The following MNX1 variants were observed in gnomAD, a reference collection of about 807,000 sequenced individuals.
MNX1 encodes the protein motor neuron and pancreas homeobox protein 1.
MNX1 carries 2 observed loss-of-function variants against 17.3 expected under a neutral mutation model. The observed-to-expected ratio is 0.12, with a 90% CI of 0.05 to 0.36. MNX1 has a LOEUF of 0.36. Among genes scored for constraint, MNX1 ranks in the 10% least tolerant of loss-of-function variants. The pLI, the probability that MNX1 is intolerant of heterozygous loss-of-function variation, is 1.00. For synonymous variants in MNX1, 306 were observed against 283.1 expected (o/e 1.08, Z -0.81); for missense variants, 556 against 564.7 (o/e 0.98, Z 0.16).
rs994950633 is a variant in MNX1 at position 157,010,632 on chromosome 7, G to A, written c.-282C>T. The A allele has an allele frequency of 1.2e-4, 29 of 244,828 alleles. No individual in the cohort carries two copies. Among genetic ancestry groups the A allele is most frequent in the Non-Finnish European group, 2.0e-4 (25 of 126,110 alleles). The allele number at this position is 244,828 out of a possible 1,614,324, so 15.2% of individuals were successfully genotyped here. On this transcript the variant is annotated 5_prime_UTR_variant, in exon 1 of 3. Transcript: ENST00000252971. ...CCGGTTCTTTGCGCTGCAGCCCTCA[G>A]GCGACCGCGCGGAGGCCGCTGCCGC...
rs557571752 is a variant in MNX1 at position 157,008,804 on chromosome 7, G to A, written c.691+856C>T. 3.9e-4 allele frequency: 237 copies of A among 609,674 alleles called. No homozygotes were observed. In the African/African-American group the frequency reaches 4.1e-3, roughly 11 times the overall value. The allele number at this position is 609,674 out of a possible 1,614,324, so 37.8% of individuals were successfully genotyped here. ...CTGACCCCGATGGGGCGAGCGGGGA[G>A]AGCCAGAGCCCCAGAGAGCCAGAGC... On this transcript the variant is annotated intron_variant, in intron 1 of 2. Coordinates refer to ENST00000252971, the MANE Select transcript of MNX1 (RefSeq NM_005515.4).
chr7:157,009,557 C>G, intron 1 of MNX1, 103 bp downstream of exon 1: 1 of 1,519,244 alleles, frequency 6.6e-7, no homozygotes, highest in Non-Finnish European at 8.9e-7. Context: ...CAGCTCTTCC[C>G]CCGCTCGCTG....
Position 157,006,405 on chromosome 7 carries a change from C to G in MNX1, c.852+74G>C. On this transcript the variant is annotated intron_variant, in intron 2 of 2. Coordinates refer to ENST00000252971, the MANE Select transcript of MNX1 (RefSeq NM_005515.4). This position sits in a 1 kb window ranked among gnomAD's most constrained non-coding sequence, Gnocchi z 6.3. ...GCAGCGCTAGATGCCTCAGACCGCC[C>G]GTGGGTCACAAGTGCAAAGGTAACA... The G allele has an allele frequency of 1.3e-6, 2 of 1,516,300 alleles. No homozygotes were observed. The highest frequency in any genetic ancestry group is 1.8e-6 in the Non-Finnish European group (2 of 1,122,196). The allele number at this position is 1,516,300 out of a possible 1,614,324, so 93.9% of individuals were successfully genotyped here.
rs551698307 is a variant in MNX1 at position 157,010,644 on chromosome 7, G to A, written c.-294C>T. 3 of 229,068 alleles carry A rather than the reference G, an allele frequency of 1.3e-5. No homozygotes were observed. The highest frequency in any genetic ancestry group is 1.8e-4 in the South Asian group (1 of 5,614). The allele number at this position is 229,068 out of a possible 1,614,324, so 14.2% of individuals were successfully genotyped here. A position where few individuals can be genotyped will look rare whatever the true frequency, so the allele number is the denominator to read the frequency against. ...GCTGCAGCCCTCAGGCGACCGCGCG[G>A]AGGCCGCTGCCGCCGTGGTGGGGAC... On this transcript the variant is annotated 5_prime_UTR_variant, in exon 1 of 3. Transcript: ENST00000252971.
At chr7:157,007,394 G>A (rs1049181216) in intron 1 of MNX1, 3 of 152,744 alleles carry the variant, frequency 2.0e-5, no homozygotes, top group African/African-American at 4.8e-5. Context: ...GGAAGGGAGA[G>A]AGGACAGGTG....
At chr7:157,009,422 T>C in intron 1 of MNX1, 1 of 1,426,612 alleles carries the variant, frequency 7.0e-7, no homozygotes, top group Non-Finnish European at 9.1e-7. Context: ...CAACTGCCCC[T>C]TCCCGTTAAG....
chr7:157,009,536 A>G, intron 1 of MNX1, 124 bp downstream of exon 1: 1 of 1,488,072 alleles, frequency 6.7e-7, no homozygotes, highest in African/African-American at 1.4e-5. Context: ...GGCAGAGCCG[A>G]GGCGGCTTCG....
rs2134838632 is a variant in MNX1, at chr7:157,005,783, C to T, written c.943G>A (p.Gly315Ser). Residue 315 changes from glycine (G) to serine (S), a missense_variant, in exon 3 of 3, where the codon GGC (glycine) becomes AGC (serine). This residue lies in a region of MNX1 where 178 missense variants were observed against 155.2 expected (regional missense o/e 1.15). Transcript: ENST00000252971. ...CCCTTCCCCGCGCCCCCGCCGCCGCCCTTCTGTTTCTCCGCTTCCTGCGCC... is the reference window on the plus strand; with the variant it reads ...CCCTTCCCCGCGCCCCCGCCGCCGCTCTTCTGTTTCTCCGCTTCCTGCGCC... The part of the protein sequence containing the change: ...QAAQEAEKQK[G>S]GGGGAGKGGA... 1 of 1,611,350 alleles carries T rather than the reference C, an allele frequency of 6.2e-7. No individual in the cohort carries two copies. Among genetic ancestry groups the T allele is most frequent in the Non-Finnish European group, 8.5e-7 (1 of 1,179,760 alleles).
chr7:157,005,395 TC>T lies in MNX1; in HGVS notation c.*124del, dbSNP rs1270345019. 3 of 579,550 alleles carry T rather than the reference TC, an allele frequency of 5.2e-6. No homozygotes were observed. Among genetic ancestry groups the T allele is most frequent in the African/African-American group, 3.9e-5 (2 of 50,810 alleles). The allele number at this position is 579,550 out of a possible 1,614,324, so 35.9% of individuals were successfully genotyped here. A position where few individuals can be genotyped will look rare whatever the true frequency, so the allele number is the denominator to read the frequency against. On this transcript the variant is annotated 3_prime_UTR_variant, in exon 3 of 3. Transcript: ENST00000252971. ...CTCCAGCCCCGGCCTGGGCGAGGGG[TC>T]CATGGGGCGGCGGTCGAGCCTGCTC... is the stretch of plus-strand genomic sequence containing the variant.
At chr7:157,007,430 G>A (rs934214466) in intron 1 of MNX1, 10 of 152,554 alleles carry the variant, frequency 6.6e-5, no homozygotes, top group African/African-American at 2.2e-4. Flanking sequence ...CAGGGTCCAA[G>A]TCTGTGTATT....
chr7:157,010,505 A>G lies in MNX1; in HGVS notation c.-155T>C, dbSNP rs1241769604. ...AAAGTCGCCGCCGGAAACTCAGCCG[A>G]GGGTGACCATGGTCCCGGCGCCTCC... On this transcript the variant is annotated 5_prime_UTR_variant, in exon 1 of 3. Coordinates refer to ENST00000252971, the MANE Select transcript of MNX1 (RefSeq NM_005515.4). 2.7e-5 allele frequency: 13 copies of G among 489,888 alleles called. No individual in the cohort carries two copies. Among genetic ancestry groups the G allele is most frequent in the South Asian group, 4.0e-5 (1 of 24,742 alleles). 30.3% of individuals were successfully genotyped at this position (489,888 alleles called of 1,614,324 possible). A position where few individuals can be genotyped will look rare whatever the true frequency, so the allele number is the denominator to read the frequency against.
rs548755417 is a variant in MNX1 at position 157,009,949 on chromosome 7, AGCGGCGGCGGCGGCG to A, written c.387_401del (p.Ala130_Ala134del). ...GGTGCAGCCCCAGCGCCAGGCCCCC[AGCGGCGGCGGCGGCG>A]GCGGCGGCGGCGGCAGCGGCCGCTG... On this transcript the variant is annotated inframe_deletion, in exon 1 of 3. Coordinates refer to ENST00000252971, the MANE Select transcript of MNX1 (RefSeq NM_005515.4). 6 of 908,254 alleles carry A rather than the reference AGCGGCGGCGGCGGCG, an allele frequency of 6.6e-6. No individual in the cohort carries two copies. Among genetic ancestry groups the A allele is most frequent in the South Asian group, 5.0e-5 (1 of 19,996 alleles). The allele number at this position is 908,254 out of a possible 1,614,324, so 56.3% of individuals were successfully genotyped here.
At position 157,010,377 on chromosome 7, in the gene MNX1, G is replaced by T; in HGVS notation, c.-27C>A. 6.4e-7 allele frequency: 1 copy of T among 1,554,612 alleles called. No individual in the cohort carries two copies. The highest frequency in any genetic ancestry group is 8.7e-7 in the Non-Finnish European group (1 of 1,147,952). Reference sequence around the variant, plus strand: ...GGCTCGTTTGGGGCTGGCGCTCAGGGCCCGGTGGCGGGCGACGCGGCCGTG... The same window carrying T: ...GGCTCGTTTGGGGCTGGCGCTCAGGTCCCGGTGGCGGGCGACGCGGCCGTG... On this transcript the variant is annotated 5_prime_UTR_variant, in exon 1 of 3. Coordinates refer to ENST00000252971, the MANE Select transcript of MNX1 (RefSeq NM_005515.4).
chr7:157,007,906 C>T (rs1376649776), intron 1 of MNX1: 1 of 152,228 alleles, frequency 6.6e-6, no homozygotes, highest in Non-Finnish European at 1.5e-5. Context: ...CCGGAGGGAC[C>T]ATTTGGGAAA....
chr7:157,010,380 C>T lies in MNX1; in HGVS notation c.-30G>A, dbSNP rs1805693367. ...TCGTTTGGGGCTGGCGCTCAGGGCCCGGTGGCGGGCGACGCGGCCGTGTGC... is the reference window on the plus strand; with the variant it reads ...TCGTTTGGGGCTGGCGCTCAGGGCCTGGTGGCGGGCGACGCGGCCGTGTGC... On this transcript the variant is annotated 5_prime_UTR_variant, in exon 1 of 3. Transcript: ENST00000252971. The T allele has an allele frequency of 3.2e-6, 5 of 1,547,904 alleles. No individual in the cohort carries two copies. Among genetic ancestry groups the T allele is most frequent in the Admixed American group, 3.6e-5 (2 of 54,852 alleles).
Position 157,010,396 on chromosome 7 carries a change from G to T in MNX1, c.-46C>A. ...CTCAGGGCCCGGTGGCGGGCGACGC[G>T]GCCGTGTGCGGGCTCGCGGAGTCAG... On this transcript the variant is annotated 5_prime_UTR_variant, in exon 1 of 3. Coordinates refer to ENST00000252971, the MANE Select transcript of MNX1 (RefSeq NM_005515.4). 1 of 1,503,772 alleles carries T rather than the reference G, an allele frequency of 6.6e-7. No homozygotes were observed. The highest frequency in any genetic ancestry group is 1.2e-5 in the South Asian group (1 of 83,024). The allele number at this position is 1,503,772 out of a possible 1,614,324, so 93.2% of individuals were successfully genotyped here.
At position 157,008,838 on chromosome 7, in the gene MNX1, C is replaced by G. The variant is rs577341910; in HGVS notation, c.691+822G>C. On this transcript the variant is annotated intron_variant, in intron 1 of 2. Coordinates refer to ENST00000252971, the MANE Select transcript of MNX1 (RefSeq NM_005515.4). ...CCCCAGAGAGCCAGAGCCCCGGAGCCCCAGCCCGGAGAGTCCGCGTGTGCC... is the reference window on the plus strand; with the variant it reads ...CCCCAGAGAGCCAGAGCCCCGGAGCGCCAGCCCGGAGAGTCCGCGTGTGCC... 26 of 705,816 alleles carry G rather than the reference C, an allele frequency of 3.7e-5. 1 individual carries two copies. In the Admixed American group the frequency reaches 7.1e-4, roughly 19 times the overall value. 43.7% of individuals were successfully genotyped at this position (705,816 alleles called of 1,614,324 possible).
In MNX1 at chr7:157,009,830, G is replaced by A. The variant is rs1268262063; in HGVS notation, c.521C>T (p.Ala174Val). Reference protein sequence around the residue: ...YGYSAAAAAAALAGQHPALSY... With the variant: ...YGYSAAAAAAVLAGQHPALSY... Reference sequence around the variant, plus strand: ...GAGCGCCGGGTGCTGGCCCGCCAGCGCAGCCGCCGCCGCCGCCGCGGAGTA... The same window carrying A: ...GAGCGCCGGGTGCTGGCCCGCCAGCACAGCCGCCGCCGCCGCCGCGGAGTA... The change falls in exon 1 of 3, where the codon GCG becomes GTG. Residue 174 changes from alanine to valine, a missense_variant. Coordinates refer to ENST00000252971, the MANE Select transcript of MNX1 (RefSeq NM_005515.4). 3.3e-6 allele frequency: 5 copies of A among 1,517,310 alleles called. No individual in the cohort carries two copies. In the East Asian group the frequency reaches 7.8e-5, roughly 24 times the overall value. The allele number at this position is 1,517,310 out of a possible 1,614,324, so 94.0% of individuals were successfully genotyped here. A position where few individuals can be genotyped will look rare whatever the true frequency, so the allele number is the denominator to read the frequency against.
In MNX1 at chr7:157,005,766, C is replaced by T. The variant is rs538735951; in HGVS notation, c.960G>A (p.Ala320=). 1 of 1,609,854 alleles carries T rather than the reference C, an allele frequency of 6.2e-7. No individual in the cohort carries two copies. The highest frequency in any genetic ancestry group is 2.2e-5 in the East Asian group (1 of 44,850). The change falls in exon 3 of 3, where the codon GCG becomes GCA. Residue 320 remains alanine (A), a synonymous_variant. Transcript: ENST00000252971. ...AEKQKGGGGG[A]GKGGAEEPGA... ...CCGGCTCCTCCGCGCCGCCCTTCCCCGCGCCCCCGCCGCCGCCCTTCTGTT... is the reference window on the plus strand; with the variant it reads ...CCGGCTCCTCCGCGCCGCCCTTCCCTGCGCCCCCGCCGCCGCCCTTCTGTT...
Sources: allele counts gnomAD v4.1 joint callset, GRCh38; gene constraint gnomAD v4.1.1; regional missense constraint gnomAD v4.1.1; non-coding constraint Gnocchi (gnomAD v3.1); transcripts MANE v1.5; gene names NCBI Gene and HGNC (gene_info 2026-07-23, HGNC 2026-07-21).